Variants in CACNB2 observed in about 807,000 individuals in gnomAD.
CACNB2 encodes voltage-dependent L-type calcium channel subunit beta-2.
CACNB2 carries 42 observed loss-of-function variants against 73.3 expected under a neutral mutation model. That is an observed-to-expected ratio of 0.57 (90% CI 0.45 to 0.74). CACNB2 has a LOEUF of 0.74. CACNB2 is among the 30% of genes least tolerant of loss of function. The probability of loss-of-function intolerance (pLI) is 0.00; values close to 1 mark genes in which losing one functional copy is unlikely to be tolerated. For synonymous variants in CACNB2, 348 were observed against 310.3 expected, an observed-to-expected ratio of 1.12 and a Z score of -1.28; for missense variants, 940 against 853.0, an observed-to-expected ratio of 1.10 and a Z score of -1.27.
At chr10:18,310,746 A>AT (rs543851945) in intron 2 of CACNB2, among the ~76,000 whole-genome samples, 9 of 150,222 alleles carry the variant, frequency 6.0e-5, no homozygotes, top group East Asian at 4.0e-4. Context: ...TGCCTGGCTA[A>AT]TTTTTTTTGT....
chr10:18,304,848 CA>C (rs1227450519), intron 2 of CACNB2, among the ~76,000 whole-genome samples: 2 of 152,210 alleles, frequency 1.3e-5, no homozygotes, highest in Non-Finnish European at 1.5e-5. Context: ...TTAATTAAAA[CA>C]GGGGCGGTCC....
Position 18,500,905 on chromosome 10 carries a change from C to G in CACNB2, c.550C>G (p.Leu184Val). The change falls in exon 5 of 14, where the codon CTG (leucine) becomes GTG (valine). Residue 184 changes from leucine to valine, a missense_variant. Coordinates refer to ENST00000324631, the MANE Select transcript of CACNB2 (RefSeq NM_201596.3). ...CCCAGTCAAACTAGAAAACATGAGGCTGCAGCATGAACAGAGAGCCAAGCA... is the reference window on the plus strand; with the variant it reads ...CCCAGTCAAACTAGAAAACATGAGGGTGCAGCATGAACAGAGAGCCAAGCA... ...PSPVKLENMR[L>V]QHEQRAKQGK... 3.1e-6 allele frequency: 5 copies of G among 1,614,024 alleles called. No homozygotes were observed. The highest frequency in any genetic ancestry group is 4.2e-6 in the Non-Finnish European group (5 of 1,179,922).
At chr10:18,369,777 C>T (rs1349067365) in intron 2 of CACNB2, among the ~76,000 whole-genome samples, 4 of 152,160 alleles carry the variant, frequency 2.6e-5, no homozygotes, top group African/African-American at 2.4e-5. Flanking sequence ...CGTGGTGGCA[C>T]ATACCTGTAG....
Position 18,534,165 on chromosome 10 carries a change from G to A in CACNB2, c.1144G>A (p.Ala382Thr), listed in dbSNP as rs1318411856. The A allele has an allele frequency of 1.9e-6, 3 of 1,613,780 alleles. No homozygotes were observed. Among genetic ancestry groups the A allele is most frequent in the Non-Finnish European group, 2.5e-6 (3 of 1,179,730 alleles). ...VLDADTINHP[A>T]QLSKTSLAPI... ...TGACGCGGATACAATTAATCATCCAGCTCAACTCAGTAAAACCTCCTTGGC... is the reference window on the plus strand; with the variant it reads ...TGACGCGGATACAATTAATCATCCAACTCAACTCAGTAAAACCTCCTTGGC... The change falls in exon 11 of 14, where the codon GCT becomes ACT. Residue 382 changes from alanine (A) to threonine (T), a missense_variant. Coordinates refer to ENST00000324631, the MANE Select transcript of CACNB2 (RefSeq NM_201596.3).
intron 1 of CACNB2, among the ~76,000 whole-genome samples, chr10:18,150,329 T>G (rs1315341235): frequency 6.6e-6 from 1 of 152,180 alleles, no homozygotes; most frequent in African/African-American, 2.4e-5. Flanking sequence ...TAAGACGACA[T>G]CCATTGTTTT....
intron 2 of CACNB2, among the ~76,000 whole-genome samples, chr10:18,349,094 C>A (rs766622206): frequency 6.6e-6 from 1 of 152,128 alleles, no homozygotes; most frequent in South Asian, 2.1e-4. Flanking sequence ...CACTCCAGCC[C>A]GAGTGACAGA....
At chr10:18,360,875 A>G (rs1161140870) in intron 2 of CACNB2, among the ~76,000 whole-genome samples, 2 of 152,198 alleles carry the variant, frequency 1.3e-5, no homozygotes, top group African/African-American at 4.8e-5. Context: ...CTGCAAAACC[A>G]GTGATATTCC....
rs561979596 is a variant in CACNB2 at position 18,536,173 on chromosome 10, G to A, written c.1279G>A (p.Asp427Asn). 2 of 1,561,084 alleles carry A rather than the reference G, an allele frequency of 1.3e-6. No homozygotes were observed. The highest frequency in any genetic ancestry group is 2.8e-5 in the African/African-American group (2 of 71,120). ...CCTCAACGTCCAGATGGTAGCAGCT[G>A]ATAAACTGGCTCAGTGTCCTCCAGT... ...KHLNVQMVAA[D>N]KLAQCPPELF... is the part of the protein sequence containing the mutation. The change falls in exon 12 of 14, where the codon GAT becomes AAT. Residue 427 changes from aspartate to asparagine, a missense_variant. Asp to Asn is a conservative substitution (Grantham distance 23, BLOSUM62 1). Transcript: ENST00000324631.
chr10:18,164,183 G>T (rs1564308242), intron 2 of CACNB2, among the ~76,000 whole-genome samples: 1 of 152,234 alleles, frequency 6.6e-6, no homozygotes, highest in African/African-American at 2.4e-5. Flanking sequence ...GATGTCAATT[G>T]AAGGTCACAG....
intron 3 of CACNB2, among the ~76,000 whole-genome samples, chr10:18,452,091 A>G (rs1011273220): frequency 6.6e-6 from 1 of 152,138 alleles, no homozygotes; most frequent in Non-Finnish European, 1.5e-5. Flanking sequence ...AATTATTCCT[A>G]TCTTAGTAAA....
At chr10:18,429,001 A>G (rs923682184) in intron 3 of CACNB2, among the ~76,000 whole-genome samples, 1 of 152,186 alleles carries the variant, frequency 6.6e-6, no homozygotes. Context: ...TCACTTAATT[A>G]CTACTGCCTT....
chr10:18,410,696 T>C (rs1220113433), intron 3 of CACNB2, among the ~76,000 whole-genome samples: 1 of 151,298 alleles, frequency 6.6e-6, no homozygotes, highest in Non-Finnish European at 1.5e-5. Flanking sequence ...AAAAAAAATG[T>C]GTTGGCTGGG....
intron 2 of CACNB2, chr10:18,260,434 A>T: frequency 1.0e-6 from 1 of 985,440 alleles, no homozygotes; most frequent in Non-Finnish European, 1.2e-6. Context: ...AACCCAGAAA[A>T]TGAACATTTG....
intron 2 of CACNB2, among the ~76,000 whole-genome samples, chr10:18,292,692 G>A (rs2039116389): frequency 6.6e-6 from 1 of 152,074 alleles, no homozygotes; most frequent in East Asian, 1.9e-4. Context: ...ATTTAAGGTA[G>A]TTTCCTACCA....
At chr10:18,366,060 T>C (rs996372026) in intron 2 of CACNB2, among the ~76,000 whole-genome samples, 1 of 152,196 alleles carries the variant, frequency 6.6e-6, no homozygotes, top group African/African-American at 2.4e-5. Context: ...TTCTGGTTCA[T>C]TAGGGTTCTT....
In CACNB2 at chr10:18,265,955, C is replaced by T. The variant is rs773014072; in HGVS notation, c.213+114980C>T. ...CTAGATACTGGAAGGTAATGTAGTC[C>T]ACATGTTAGTAATCTCTTATAAGAT... On this transcript the variant is annotated intron_variant, in intron 2 of 13. Transcript: ENST00000324631. 6.6e-5 allele frequency among the ~76,000 whole-genome samples: 10 copies of T among 151,792 alleles called. No individual in the cohort carries two copies. The East Asian group carries it at 1.9e-3, about 29-fold the overall frequency.
At chr10:18,474,277 G>A (rs2048329410) in intron 3 of CACNB2, among the ~76,000 whole-genome samples, 1 of 152,158 alleles carries the variant, frequency 6.6e-6, no homozygotes, top group African/African-American at 2.4e-5. Context: ...AGGGCCGGAG[G>A]GGCAGGGGGA....
intron 2 of CACNB2, among the ~76,000 whole-genome samples, chr10:18,258,714 G>A (rs758934843): frequency 2.0e-5 from 3 of 151,918 alleles, no homozygotes; most frequent in Non-Finnish European, 2.9e-5. Flanking sequence ...TGACAAGAGC[G>A]AAACTCTGTG....
chr10:18,349,167 G>A (rs1258433560), intron 2 of CACNB2, among the ~76,000 whole-genome samples: 1 of 152,182 alleles, frequency 6.6e-6, no homozygotes, highest in Admixed American at 6.5e-5. Context: ...TTCTTCATAT[G>A]AAGGGTGGGC....
Sources: allele counts gnomAD v4.1 joint callset (sites outside exome capture counted in the v4.1 genomes callset), GRCh38; gene constraint gnomAD v4.1.1; transcripts MANE v1.5; gene names NCBI Gene and HGNC (gene_info 2026-07-23, HGNC 2026-07-21).